The following ARHGAP6 variants were observed in gnomAD, a reference collection of about 807,000 sequenced individuals.
ARHGAP6 encodes the protein Rho GTPase activating protein 6, also known as rho GTPase-activating protein 6.
A neutral mutation model predicts 55.7 loss-of-function variants in ARHGAP6; 16 were observed. The observed-to-expected ratio is 0.29, with a 90% CI of 0.19 to 0.44. The LOEUF is 0.44. Among genes scored for constraint, ARHGAP6 ranks in the 20% least tolerant of loss-of-function variants. The probability of loss-of-function intolerance (pLI) is 1.00; values close to 1 mark genes in which losing one functional copy is unlikely to be tolerated. For synonymous variants in ARHGAP6, 382 were observed against 360.9 expected, an observed-to-expected ratio of 1.06 and a Z score of -0.66; for missense variants, 698 against 808.9, an observed-to-expected ratio of 0.86 and a Z score of 1.66.
chrX:11,558,820 G>A (rs777762113), intron 1 of ARHGAP6, among the ~76,000 whole-genome samples: 14 of 57,961 alleles, frequency 2.4e-4, no homozygotes, highest in South Asian at 1.4e-3. Context: ...TGGGCGACAA[G>A]AGCAAGATTC....
chrX:11,169,479 T>G (rs749883880), intron 9 of ARHGAP6, 26 bp downstream of exon 9: 1 of 1,164,257 alleles, frequency 8.6e-7, no homozygotes, highest in Non-Finnish European at 1.1e-6. Flanking sequence ...TTTGCTGTGA[T>G]GTCCTGCCAC....
intron 1 of ARHGAP6, among the ~76,000 whole-genome samples, chrX:11,656,854 G>A (rs193082156): frequency 1.1e-4 from 12 of 111,882 alleles, no homozygotes; most frequent in Non-Finnish European, 2.3e-4. Context: ...ACATCTTTGG[G>A]GGACATTGTT....
At chrX:11,485,833 G>A (rs911576360) in intron 1 of ARHGAP6, among the ~76,000 whole-genome samples, 4 of 111,348 alleles carry the variant, frequency 3.6e-5, no homozygotes, top group African/African-American at 1.3e-4. Flanking sequence ...GGAAAACATC[G>A]AACATTGCTT....
intron 1 of ARHGAP6, among the ~76,000 whole-genome samples, chrX:11,319,170 ATCTC>A (rs10598054): frequency 0.013 from 1,462 of 111,741 alleles, 22 homozygotes; most frequent in African/African-American, 0.044. Flanking sequence ...CTATCTATAT[ATCTC>A]TCTCTCAAAA....
At chrX:11,586,891 T>C (rs5935113) in intron 1 of ARHGAP6, among the ~76,000 whole-genome samples, 38,182 of 110,779 alleles carry the variant, frequency 0.34, 4,993 homozygotes, top group African/African-American at 0.46. Context: ...TTTCACCTCC[T>C]TAGTTAGTTG....
At chrX:11,238,391 T>A (rs1311489234) in intron 2 of ARHGAP6, among the ~76,000 whole-genome samples, 12 of 112,327 alleles carry the variant, frequency 1.1e-4, no homozygotes, top group African/African-American at 3.9e-4. Context: ...TTATATGAAC[T>A]GTTTTTTTCT....
At chrX:11,401,056 T>C (rs181661042) in intron 1 of ARHGAP6, among the ~76,000 whole-genome samples, 34 of 112,310 alleles carry the variant, frequency 3.0e-4, no homozygotes, top group Non-Finnish European at 5.8e-4. Context: ...AAAAATACTC[T>C]GCTTGGCCTT....
chrX:11,270,495 T>C (rs1483802211), intron 1 of ARHGAP6, among the ~76,000 whole-genome samples: 1 of 111,726 alleles, frequency 9.0e-6, no homozygotes, highest in African/African-American at 3.3e-5. Context: ...GAGGGACAGG[T>C]ATTTCATTTA....
chrX:11,497,294 C>A (rs1241113014), intron 1 of ARHGAP6, among the ~76,000 whole-genome samples: 1 of 111,970 alleles, frequency 8.9e-6, no homozygotes, highest in African/African-American at 3.2e-5. Flanking sequence ...TATTCATAGT[C>A]TTACATAAAT....
chrX:11,619,698 C>A (rs1257600983), intron 1 of ARHGAP6, among the ~76,000 whole-genome samples: 1 of 112,144 alleles, frequency 8.9e-6, no homozygotes, highest in Non-Finnish European at 1.9e-5. Flanking sequence ...ATGAGCATAT[C>A]AGCCTCAGCA....
chrX:11,356,782 T>A (rs961823727), intron 1 of ARHGAP6, among the ~76,000 whole-genome samples: 68 of 112,138 alleles, frequency 6.1e-4, no homozygotes, highest in African/African-American at 2.2e-3. Flanking sequence ...TATGTTTTGA[T>A]ATATGTACCT....
chrX:11,372,970 C>T (rs1356924217), intron 1 of ARHGAP6, among the ~76,000 whole-genome samples: 1 of 108,867 alleles, frequency 9.2e-6, no homozygotes, highest in Non-Finnish European at 1.9e-5. Context: ...TTATAGAATG[C>T]TTGCCATATG....
intron 10 of ARHGAP6, among the ~76,000 whole-genome samples, chrX:11,155,456 C>T (rs58241026): frequency 9.0e-6 from 1 of 110,848 alleles, no homozygotes; most frequent in East Asian, 2.9e-4. Context: ...CCTGTCACTA[C>T]GCCTGGCTAA....
chrX:11,286,877 G>C (rs1173698664), intron 1 of ARHGAP6, among the ~76,000 whole-genome samples: 1 of 111,985 alleles, frequency 8.9e-6, no homozygotes. Flanking sequence ...ATAGACACAG[G>C]AAATAGATTG....
intron 1 of ARHGAP6, among the ~76,000 whole-genome samples, chrX:11,386,193 C>T (rs781031187): frequency 1.8e-5 from 2 of 112,920 alleles, no homozygotes; most frequent in Non-Finnish European, 3.7e-5. Flanking sequence ...CTGGAACGAA[C>T]CTGAGATGCC....
In ARHGAP6 at chrX:11,254,716, C is replaced by CAAA. The variant is rs751080433; in HGVS notation, c.589-12_589-10dup. The CAAA allele has an allele frequency of 4.7e-4, 411 of 867,142 alleles. No homozygotes were observed. In the African/African-American group the frequency reaches 6.9e-3, roughly 15 times the overall value. The allele number at this position is 867,142 out of a possible 1,213,427, so 71.5% of individuals were successfully genotyped here. A position where few individuals can be genotyped will look rare whatever the true frequency, so the allele number is the denominator to read the frequency against. The stretch of plus-strand genomic sequence containing the variant: ...TTCCAGGTGAAATCACCCTGTAGGC[C>CAAA]AAAAAAAAAAAAAAAAAAAAAATCA... On this transcript the variant is annotated splice_polypyrimidine_tract_variant and intron_variant, in intron 1 of 12. Transcript: ENST00000337414.
chrX:11,565,851 T>C (rs186605998), intron 1 of ARHGAP6, among the ~76,000 whole-genome samples: 88 of 111,878 alleles, frequency 7.9e-4, no homozygotes, highest in African/African-American at 2.7e-3. Flanking sequence ...CTGGCCTCCA[T>C]AGAAGCAGTT....
At chrX:11,592,178 T>A (rs1026473366) in intron 1 of ARHGAP6, among the ~76,000 whole-genome samples, 1 of 112,103 alleles carries the variant, frequency 8.9e-6, no homozygotes, top group Admixed American at 9.5e-5. Context: ...GAAGGGGAAG[T>A]TGATGACACA....
intron 1 of ARHGAP6, among the ~76,000 whole-genome samples, chrX:11,348,221 A>C (rs1291101289): frequency 8.9e-6 from 1 of 112,361 alleles, no homozygotes; most frequent in Non-Finnish European, 1.9e-5. Context: ...GTCTGTTAAG[A>C]TAGCTGGATA....
Sources: gnomAD v4.1 joint callset for allele counts (sites outside exome capture counted in the v4.1 genomes callset) on GRCh38, gnomAD v4.1.1 for gene constraint, MANE v1.5 for transcripts, NCBI Gene and HGNC (gene_info 2026-07-23, HGNC 2026-07-21) for gene names.